The following TRPM3 variants were observed in gnomAD, a reference collection of about 807,000 sequenced individuals.
TRPM3 encodes long transient receptor potential channel 3.
A neutral mutation model predicts 181.2 loss-of-function variants in TRPM3; 77 were observed. The observed-to-expected ratio is 0.42, with a 90% CI of 0.35 to 0.51. The LOEUF (loss-of-function observed/expected upper bound fraction) is 0.51. TRPM3 is among the 20% of genes least tolerant of loss of function. The pLI, the probability that TRPM3 is intolerant of heterozygous loss-of-function variation, is 0.01. For missense variants in TRPM3, 1,759 were observed against 2,196.7 expected, an observed-to-expected ratio of 0.80 and a Z score of 3.98; for synonymous variants, 745 against 796.4, an observed-to-expected ratio of 0.94 and a Z score of 1.09.
chr9:70,914,510 G>A (rs2096570574), intron 1 of TRPM3, among the ~76,000 whole-genome samples: 1 of 152,218 alleles, frequency 6.6e-6, no homozygotes, highest in Admixed American at 6.5e-5. Flanking sequence ...AGTGATGGAC[G>A]CTGAAGCAGA....
At chr9:71,058,469 G>C (rs940138450) in intron 1 of TRPM3, among the ~76,000 whole-genome samples, 1 of 152,026 alleles carries the variant, frequency 6.6e-6, no homozygotes, top group Non-Finnish European at 1.5e-5. Context: ...CGGAGACAGT[G>C]GACAGATTTC....
At chr9:70,931,791 G>A (rs892093394) in intron 1 of TRPM3, among the ~76,000 whole-genome samples, 2 of 152,130 alleles carry the variant, frequency 1.3e-5, no homozygotes, top group African/African-American at 4.8e-5. Context: ...GTGTTTGGGT[G>A]TTTCTAGACT....
At chr9:70,745,146 T>C (rs996864360) in intron 8 of TRPM3, among the ~76,000 whole-genome samples, 2 of 152,190 alleles carry the variant, frequency 1.3e-5, no homozygotes, top group Admixed American at 1.3e-4. Context: ...TTTTTGCATA[T>C]GTTAACTCAT....
chr9:71,040,737 A>C (rs2058723472), intron 1 of TRPM3, among the ~76,000 whole-genome samples: 1 of 152,170 alleles, frequency 6.6e-6, no homozygotes, highest in African/African-American at 2.4e-5. Flanking sequence ...CATCAGCAGG[A>C]ATGAGAAACA....
chr9:71,441,381 T>C (rs1044122619), intron 1 of TRPM3, among the ~76,000 whole-genome samples: 3 of 152,182 alleles, frequency 2.0e-5, no homozygotes, highest in African/African-American at 7.2e-5. Context: ...TATACAGTAA[T>C]GGGCTAGCAC....
At chr9:70,746,940 C>T (rs1587751888) in intron 8 of TRPM3, among the ~76,000 whole-genome samples, 1 of 152,268 alleles carries the variant, frequency 6.6e-6, no homozygotes, top group South Asian at 2.1e-4. Flanking sequence ...TGGATCAAAT[C>T]CAAGCCCATA....
At position 71,112,206 on chromosome 9, in the gene TRPM3, T is replaced by C. The variant is rs1362238860; in HGVS notation, c.177+8972A>G. On this transcript the variant is annotated intron_variant, in intron 1 of 25. Coordinates refer to ENST00000677713, the MANE Select transcript of TRPM3 (RefSeq NM_001366145.2). ...TAACAGTATTTTATCTATTTTACAATGTAACCCAGTCAATAATATTAAAGG... is the reference window on the plus strand; with the variant it reads ...TAACAGTATTTTATCTATTTTACAACGTAACCCAGTCAATAATATTAAAGG... 3.9e-5 allele frequency among the ~76,000 whole-genome samples: 6 copies of C among 152,330 alleles called. 1 individual carries two copies. In the South Asian group the frequency reaches 1.0e-3, roughly 26 times the overall value.
chr9:71,307,612 T>G (rs1258859227), intron 1 of TRPM3, among the ~76,000 whole-genome samples: 1 of 152,150 alleles, frequency 6.6e-6, no homozygotes, highest in Non-Finnish European at 1.5e-5. Flanking sequence ...TGTATTATAA[T>G]TAGATTTATT....
At chr9:71,142,354 G>A (rs2075155549) in intron 1 of TRPM3, among the ~76,000 whole-genome samples, 1 of 152,098 alleles carries the variant, frequency 6.6e-6, no homozygotes, top group Admixed American at 6.6e-5. Context: ...GAGTTTGAGT[G>A]CAAATAGCTC....
At chr9:71,216,947 T>C (rs2079911983) in intron 1 of TRPM3, among the ~76,000 whole-genome samples, 1 of 120,960 alleles carries the variant, frequency 8.3e-6, no homozygotes, top group Non-Finnish European at 1.7e-5. Context: ...CTTTTTTTTT[T>C]TTTTTTTTTT....
intron 1 of TRPM3, among the ~76,000 whole-genome samples, chr9:71,390,032 C>G (rs534869115): frequency 4.6e-5 from 7 of 152,126 alleles, no homozygotes; most frequent in African/African-American, 1.7e-4. Context: ...CATAGAAGCA[C>G]ACATGTGTGC....
intron 7 of TRPM3, among the ~76,000 whole-genome samples, chr9:70,771,793 C>T (rs1588119492): frequency 2.0e-5 from 3 of 152,164 alleles, no homozygotes; most frequent in African/African-American, 7.2e-5. Context: ...TCTGCCACCG[C>T]TTATCTTGAT....
chr9:70,861,797 T>C (rs1220369419), intron 3 of TRPM3, among the ~76,000 whole-genome samples: 1 of 152,114 alleles, frequency 6.6e-6, no homozygotes, highest in African/African-American at 2.4e-5. Context: ...TTGCTGGAGG[T>C]TGCAAATAGC....
chr9:70,746,691 TA>T (rs1055507835), intron 8 of TRPM3, among the ~76,000 whole-genome samples: 2 of 151,176 alleles, frequency 1.3e-5, no homozygotes, highest in African/African-American at 2.4e-5. Context: ...CACATTGGGG[TA>T]AAAAAAAATC....
intron 1 of TRPM3, among the ~76,000 whole-genome samples, chr9:71,418,446 T>C (rs952672880): frequency 6.6e-6 from 1 of 151,828 alleles, no homozygotes; most frequent in African/African-American, 2.4e-5. Flanking sequence ...TATGGCAGCC[T>C]GATTGTTCAC....
intron 8 of TRPM3, among the ~76,000 whole-genome samples, chr9:70,692,086 A>G (rs2068771527): frequency 6.6e-6 from 1 of 152,240 alleles, no homozygotes; most frequent in African/African-American, 2.4e-5. Context: ...CCCCCCTGCC[A>G]TAGGCAGAGT....
chr9:70,618,517 C>T (rs573031624), intron 17 of TRPM3, among the ~76,000 whole-genome samples: 13 of 152,322 alleles, frequency 8.5e-5, no homozygotes, highest in South Asian at 6.2e-4. Context: ...CCCTCTGCAG[C>T]GACAAGGTGG....
chr9:70,738,828 C>A (rs9776589), intron 8 of TRPM3, among the ~76,000 whole-genome samples: 7,177 of 152,120 alleles, frequency 0.047, 197 homozygotes, highest in Non-Finnish European at 0.057. Flanking sequence ...TACAAAAGAT[C>A]ATTCAAGGCT....
At chr9:71,300,328 T>C (rs1292502683) in intron 1 of TRPM3, among the ~76,000 whole-genome samples, 1 of 152,124 alleles carries the variant, frequency 6.6e-6, no homozygotes, top group African/African-American at 2.4e-5. Flanking sequence ...ACAGGGATGC[T>C]GCTGATTAAT....
Sources: gnomAD v4.1 joint callset for allele counts (sites outside exome capture counted in the v4.1 genomes callset) on GRCh38, gnomAD v4.1.1 for gene constraint, MANE v1.5 for transcripts, NCBI Gene and HGNC (gene_info 2026-07-23, HGNC 2026-07-21) for gene names.